TXNDC17: variants seen among roughly 807,000 people sequenced by gnomAD.
TXNDC17 encodes the protein thioredoxin domain containing 17.
A neutral mutation model predicts 16.3 loss-of-function variants in TXNDC17; 12 were observed. The ratio of observed to expected loss-of-function variants is 0.74; its 90% CI spans 0.47 to 1.19. The LOEUF (loss-of-function observed/expected upper bound fraction) is 1.19. Among genes scored for constraint, TXNDC17 ranks in the 50% most tolerant of loss-of-function variants. The probability of loss-of-function intolerance (pLI) is 0.00; values close to 1 mark genes in which losing one functional copy is unlikely to be tolerated. For missense variants in TXNDC17, 158 were observed against 149.7 expected (o/e 1.06, Z -0.29); for synonymous variants, 62 against 55.0 (o/e 1.13, Z -0.56).
At position 6,641,132 on chromosome 17, in the gene TXNDC17, G is replaced by A; in HGVS notation, c.50G>A (p.Arg17Gln). Residue 17 changes from arginine to glutamine, a missense_variant, in exon 1 of 4, where the codon CGG becomes CAG. Transcript: ENST00000250101. ...VSVSGFEEFH[R>Q]AVEQHNGKTI... is the part of the protein sequence containing the mutation. The stretch of plus-strand genomic sequence containing the variant: ...GTGTCCGGCTTCGAGGAGTTCCACC[G>A]GGCCGTGGAACAGCACAATGGCAAG... 1.2e-6 allele frequency: 2 copies of A among 1,613,652 alleles called. No homozygotes were observed. The highest frequency in any genetic ancestry group is 2.2e-5 in the East Asian group (1 of 44,866).
In TXNDC17 at chr17:6,644,369, T is replaced by A; in HGVS notation, c.*1350T>A. ...CTAAAGGTTCTAGGGGCTACCATAA[T>A]AAAGGTAGATAGGAAGAGTTTTCAT... On this transcript the variant is annotated 3_prime_UTR_variant, in exon 4 of 4. Transcript: ENST00000250101. The A allele has an allele frequency of 7.2e-7, 1 of 1,395,108 alleles. No individual in the cohort carries two copies. The highest frequency in any genetic ancestry group is 1.5e-5 in the African/African-American group (1 of 68,962). 86.4% of individuals were successfully genotyped at this position (1,395,108 alleles called of 1,614,324 possible).
rs1163620731 is a variant in TXNDC17 at position 6,644,375 on chromosome 17, T to C, written c.*1356T>C. The C allele has an allele frequency of 2.1e-6, 3 of 1,407,852 alleles. No homozygotes were observed. The highest frequency in any genetic ancestry group is 2.9e-5 in the African/African-American group (2 of 69,062). 87.2% of individuals were successfully genotyped at this position (1,407,852 alleles called of 1,614,324 possible). A position where few individuals can be genotyped will look rare whatever the true frequency, so the allele number is the denominator to read the frequency against. ...GTTCTAGGGGCTACCATAATAAAGG[T>C]AGATAGGAAGAGTTTTCATTTTTTT... On this transcript the variant is annotated 3_prime_UTR_variant, in exon 4 of 4. Transcript: ENST00000250101.
At position 6,644,180 on chromosome 17, in the gene TXNDC17, G is replaced by T; in HGVS notation, c.*1161G>T. 2.2e-6 allele frequency: 1 copy of T among 460,762 alleles called. No individual in the cohort carries two copies. Among genetic ancestry groups the T allele is most frequent in the Non-Finnish European group, 3.8e-6 (1 of 263,400 alleles). 28.5% of individuals were successfully genotyped at this position (460,762 alleles called of 1,614,324 possible). A position where few individuals can be genotyped will look rare whatever the true frequency, so the allele number is the denominator to read the frequency against. On this transcript the variant is annotated 3_prime_UTR_variant, in exon 4 of 4. Coordinates refer to ENST00000250101, the MANE Select transcript of TXNDC17 (RefSeq NM_032731.4). ...GCCCACCCCTACCCCATGCCCCAGT[G>T]CCTTATTTGGTCTAAAGCACCTAAC...
At chr17:6,641,882 A>T in intron 2 of TXNDC17, 48 bp downstream of exon 2, 4 of 1,565,898 alleles carry the variant, frequency 2.6e-6, no homozygotes, top group Non-Finnish European at 3.5e-6. Context: ...CAAATTGCAT[A>T]CTTAGGCGGG....
At chr17:6,642,044 T>A (rs1347582062) in intron 2 of TXNDC17, 3 of 657,554 alleles carry the variant, frequency 4.6e-6, no homozygotes, top group Non-Finnish European at 5.3e-6. Context: ...GCCCAGAACT[T>A]AGCTGGCTTT....
At chr17:6,642,418 T>C in intron 3 of TXNDC17, 94 bp downstream of exon 3, 1 of 876,822 alleles carries the variant, frequency 1.1e-6, no homozygotes, top group Non-Finnish European at 1.8e-6. Context: ...TGACATTTCA[T>C]CTCAATTCCA....
intron 3 of TXNDC17, 184 bp downstream of exon 3, chr17:6,642,508 G>A: frequency 1.9e-6 from 1 of 518,986 alleles, no homozygotes. Context: ...TAGCTATTAG[G>A]TCTTTTTCAT....
intron 1 of TXNDC17, 155 bp downstream of exon 1, chr17:6,641,382 C>A: frequency 8.9e-7 from 1 of 1,118,364 alleles, no homozygotes; most frequent in Non-Finnish European, 1.2e-6. Flanking sequence ...AAATCCTACC[C>A]CGCCCTGCCA....
Position 6,644,305 on chromosome 17 carries a change from A to ATAGTCTAT in TXNDC17, c.*1289_*1296dup. On this transcript the variant is annotated 3_prime_UTR_variant, in exon 4 of 4. Transcript: ENST00000250101. ...AAAGAACAATTCAGGTTTAACAGAA[A>ATAGTCTAT]TAGTCTATTAACAATAAAAAGTTGG... The ATAGTCTAT allele has an allele frequency of 1.4e-6, 1 of 724,738 alleles. No homozygotes were observed. The highest frequency in any genetic ancestry group is 3.8e-5 in the Admixed American group (1 of 26,522). 44.9% of individuals were successfully genotyped at this position (724,738 alleles called of 1,614,324 possible).
rs2150947301 is a variant in TXNDC17, at chr17:6,644,200, C to T, written c.*1181C>T. The T allele has an allele frequency of 2.1e-6, 1 of 478,186 alleles. No individual in the cohort carries two copies. The highest frequency in any genetic ancestry group is 3.3e-5 in the East Asian group (1 of 30,362). The allele number at this position is 478,186 out of a possible 1,614,324, so 29.6% of individuals were successfully genotyped here. ...CCAGTGCCTTATTTGGTCTAAAGCACCTAACTTTTCCATTCTTAATCAGCT... is the reference window on the plus strand; with the variant it reads ...CCAGTGCCTTATTTGGTCTAAAGCATCTAACTTTTCCATTCTTAATCAGCT... On this transcript the variant is annotated 3_prime_UTR_variant, in exon 4 of 4. Transcript: ENST00000250101.
rs140135376 is a variant in TXNDC17 at position 6,641,150 on chromosome 17, A to G, written c.68A>G (p.Asn23Ser). Residue 23 changes from asparagine (N) to serine (S), a missense_variant, in exon 1 of 4, where the codon AAT (asparagine) becomes AGT (serine). Asn to Ser is a conservative substitution (Grantham distance 46). Transcript: ENST00000250101. Reference sequence around the variant, plus strand: ...TTCCACCGGGCCGTGGAACAGCACAATGGCAAGACCATTTTCGCCTACTTT... The same window carrying G: ...TTCCACCGGGCCGTGGAACAGCACAGTGGCAAGACCATTTTCGCCTACTTT... ...EEFHRAVEQH[N>S]GKTIFAYFTG... 8.9e-5 allele frequency: 144 copies of G among 1,613,834 alleles called. No individual in the cohort carries two copies. The highest frequency in any genetic ancestry group is 1.2e-4 in the Non-Finnish European group (136 of 1,180,016).
rs759890662 is a variant in TXNDC17, at chr17:6,642,938, T to C, written c.304-13T>C. On this transcript the variant is annotated splice_polypyrimidine_tract_variant and intron_variant, in intron 3 of 3. Coordinates refer to ENST00000250101, the MANE Select transcript of TXNDC17 (RefSeq NM_032731.4). ...ATAGAAGTAGTGAAGATTTGACTGT[T>C]TTTCTCTTACAGCCTCAAAAACTGG... 5.0e-6 allele frequency: 8 copies of C among 1,607,632 alleles called. No individual in the cohort carries two copies. The highest frequency in any genetic ancestry group is 3.3e-5 in the South Asian group (3 of 90,950).
Position 6,644,132 on chromosome 17 carries a change from C to T in TXNDC17, c.*1113C>T, listed in dbSNP as rs1972733206. The T allele has an allele frequency of 2.4e-6, 1 of 421,386 alleles. No homozygotes were observed. The highest frequency in any genetic ancestry group is 4.0e-5 in the Admixed American group (1 of 25,104). The allele number at this position is 421,386 out of a possible 1,614,324, so 26.1% of individuals were successfully genotyped here. On this transcript the variant is annotated 3_prime_UTR_variant, in exon 4 of 4. Coordinates refer to ENST00000250101, the MANE Select transcript of TXNDC17 (RefSeq NM_032731.4). ...CTACTATATGTCAGGAACAGCTAGC[C>T]TTAGAATTCAGTATACTTGGTGGCC...
In TXNDC17 at chr17:6,643,289, G is replaced by A; in HGVS notation, c.*270G>A. 1 of 324,718 alleles carries A rather than the reference G, an allele frequency of 3.1e-6. No homozygotes were observed. The highest frequency in any genetic ancestry group is 5.0e-5 in the South Asian group (1 of 20,148). 20.1% of individuals were successfully genotyped at this position (324,718 alleles called of 1,614,324 possible). A position where few individuals can be genotyped will look rare whatever the true frequency, so the allele number is the denominator to read the frequency against. On this transcript the variant is annotated 3_prime_UTR_variant, in exon 4 of 4. Transcript: ENST00000250101. The stretch of plus-strand genomic sequence containing the variant: ...ACGGAAATACCTAAAAACTCCTAAA[G>A]GTGCAGAGCACACCTTCCAAATCTC...
intron 2 of TXNDC17, 152 bp from the exon 3 acceptor site, chr17:6,642,097 A>G: frequency 1.5e-6 from 1 of 666,842 alleles, no homozygotes; most frequent in Admixed American, 2.9e-5. Flanking sequence ...GCACAGGGTA[A>G]TTAGTAGATT....
chr17:6,643,713 CAAGGTTCTTAGAAT>C lies in TXNDC17; in HGVS notation c.*697_*710del, dbSNP rs1269288349. 1 of 160,678 alleles carries C rather than the reference CAAGGTTCTTAGAAT, an allele frequency of 6.2e-6. No individual in the cohort carries two copies. Among genetic ancestry groups the C allele is most frequent in the Non-Finnish European group, 1.4e-5 (1 of 73,760 alleles). The allele number at this position is 160,678 out of a possible 1,614,324, so 10.0% of individuals were successfully genotyped here. A position where few individuals can be genotyped will look rare whatever the true frequency, so the allele number is the denominator to read the frequency against. On this transcript the variant is annotated 3_prime_UTR_variant, in exon 4 of 4. Transcript: ENST00000250101. ...AAACCTCAGTTTTCTCTTCTATAAACAAGGTTCTTAGAATAAAATGAGAATTCAAGGAAGCACTT... is the reference window on the plus strand; with the variant it reads ...AAACCTCAGTTTTCTCTTCTATAAACAAAATGAGAATTCAAGGAAGCACTT...
At position 6,644,533 on chromosome 17, in the gene TXNDC17, C is replaced by T. The variant is rs1305873344; in HGVS notation, c.*1514C>T. On this transcript the variant is annotated 3_prime_UTR_variant, in exon 4 of 4. Coordinates refer to ENST00000250101, the MANE Select transcript of TXNDC17 (RefSeq NM_032731.4). ...AGGCTTGCTGAAGGCGCATCCGCTT[C>T]CGGGAATAGTGCTGCCAATGTAGAA... 6.2e-7 allele frequency: 1 copy of T among 1,613,244 alleles called. No individual in the cohort carries two copies. Among genetic ancestry groups the T allele is most frequent in the East Asian group, 2.2e-5 (1 of 44,876 alleles).
Position 6,641,125 on chromosome 17 carries a change from T to G in TXNDC17, c.43T>G (p.Phe15Val). The G allele has an allele frequency of 1.2e-6, 2 of 1,613,008 alleles. No individual in the cohort carries two copies. The highest frequency in any genetic ancestry group is 1.7e-6 in the Non-Finnish European group (2 of 1,179,806). ...GGTGAGCGTGTCCGGCTTCGAGGAG[T>G]TCCACCGGGCCGTGGAACAGCACAA... ...EEVSVSGFEE[F>V]HRAVEQHNGK... The change falls in exon 1 of 4, where the codon TTC (phenylalanine) becomes GTC (valine). Residue 15 changes from phenylalanine to valine, a missense_variant. Physicochemically the swap from Phe to Val is conservative, Grantham distance 50. Transcript: ENST00000250101.
At chr17:6,642,554 A>G in intron 3 of TXNDC17, 1 of 487,026 alleles carries the variant, frequency 2.1e-6, no homozygotes, top group Non-Finnish European at 3.7e-6. Context: ...AAGTAGGTTG[A>G]CTCATAATTC....
Sources: gnomAD v4.1 joint callset for allele counts on GRCh38, gnomAD v4.1.1 for gene constraint, MANE v1.5 for transcripts, NCBI Gene and HGNC (gene_info 2026-07-23, HGNC 2026-07-21) for gene names.